Variants in HDAC4 observed in about 807,000 individuals in gnomAD.
HDAC4 encodes histone deacetylase 4.
Under a neutral mutation model 135.1 loss-of-function variants are expected in HDAC4, and 16 were observed. That is an observed-to-expected ratio of 0.12 (90% confidence interval 0.08 to 0.18). The LOEUF is 0.18. Among genes scored for constraint, HDAC4 ranks in the 10% least tolerant of loss-of-function variants. The probability of loss-of-function intolerance (pLI) is 1.00; values close to 1 mark genes in which losing one functional copy is unlikely to be tolerated. For missense variants in HDAC4, 1,143 were observed against 1,511.8 expected, an observed-to-expected ratio of 0.76 and a Z score of 4.05; for synonymous variants, 685 against 653.4, an observed-to-expected ratio of 1.05 and a Z score of -0.74.
intron 2 of HDAC4, among the ~76,000 whole-genome samples, chr2:239,248,169 C>T (rs2048574441): frequency 6.6e-6 from 1 of 151,634 alleles, no homozygotes; most frequent in African/African-American, 2.4e-5. Context: ...GGTTGAAAGA[C>T]TTACTCCTCT....
rs551402547 is a variant in HDAC4, at chr2:239,084,818, TAGAG to T, written c.2445-580_2445-577del. Reference sequence around the variant, plus strand: ...CCACACACACCCCACACCCCACAGATAGAGACACACACACCATGCAAACGCCCTA... The same window carrying T: ...CCACACACACCCCACACCCCACAGATACACACACACCATGCAAACGCCCTA... On this transcript the variant is annotated intron_variant, in intron 19 of 26. Transcript: ENST00000543185. Among the ~76,000 whole-genome samples the T allele has an allele frequency of 2.7e-3, 367 of 136,334 alleles. 3 individuals are homozygous for T. Among genetic ancestry groups the T allele is most frequent in the African/African-American group, 9.8e-3 (345 of 35,064 alleles). The allele number at this position is 136,334 out of a possible 152,430, so 89.4% of individuals were successfully genotyped here. A position where few individuals can be genotyped will look rare whatever the true frequency, so the allele number is the denominator to read the frequency against.
chr2:239,216,402 G>A (rs534591437), intron 3 of HDAC4, among the ~76,000 whole-genome samples: 2 of 152,090 alleles, frequency 1.3e-5, no homozygotes, highest in African/African-American at 2.4e-5. Flanking sequence ...GACAACTGGC[G>A]ATGAGGAGGA....
chr2:239,066,594 G>GA, intron 24 of HDAC4, 128 bp downstream of exon 24: 1 of 1,245,564 alleles, frequency 8.0e-7, no homozygotes, highest in South Asian at 1.2e-5. Context: ...GTGCAAGGCG[G>GA]AGCTGCAAGC....
intron 2 of HDAC4, among the ~76,000 whole-genome samples, chr2:239,257,984 C>T (rs1385344136): frequency 1.3e-5 from 2 of 152,090 alleles, no homozygotes; most frequent in African/African-American, 4.8e-5. Flanking sequence ...GTAGGAATAT[C>T]AATAGTGTTC....
Position 239,285,564 on chromosome 2 carries a change from T to C in HDAC4, c.23-48900A>G, listed in dbSNP as rs1464292190. ...TGGGTAAAAGGGGCTGAGAGAAAGCTGGCCAAAGGTTGGGCTTTTGAAGTA... is the reference window on the plus strand; with the variant it reads ...TGGGTAAAAGGGGCTGAGAGAAAGCCGGCCAAAGGTTGGGCTTTTGAAGTA... On this transcript the variant is annotated intron_variant, in intron 2 of 26. Transcript: ENST00000543185. This position sits in a 1 kb window ranked among gnomAD's most constrained non-coding sequence, Gnocchi z 4.5. Among the ~76,000 whole-genome samples the C allele has an allele frequency of 1.3e-5, 2 of 152,188 alleles. No homozygotes were observed. The highest frequency in any genetic ancestry group is 4.8e-5 in the African/African-American group (2 of 41,440).
At chr2:239,231,873 G>A (rs899294048) in intron 3 of HDAC4, among the ~76,000 whole-genome samples, 1 of 134,230 alleles carries the variant, frequency 7.4e-6, no homozygotes, top group Non-Finnish European at 1.6e-5. Context: ...GTCCTCAACC[G>A]AGGTTGCTGA....
intron 11 of HDAC4, 92 bp downstream of exon 11, chr2:239,134,153 C>T (rs2040787322): frequency 9.9e-7 from 1 of 1,007,096 alleles, no homozygotes; most frequent in Non-Finnish European, 1.5e-6. Context: ...GGCGTGCATT[C>T]CTGTCTCCTC....
At chr2:239,170,933 C>T (rs973256038) in intron 5 of HDAC4, among the ~76,000 whole-genome samples, 4 of 152,136 alleles carry the variant, frequency 2.6e-5, no homozygotes, top group African/African-American at 7.2e-5. Context: ...TTATGAGTAA[C>T]GATGGCCAGA....
chr2:239,199,296 T>C (rs2153069048), intron 3 of HDAC4, among the ~76,000 whole-genome samples: 1 of 152,036 alleles, frequency 6.6e-6, no homozygotes, highest in South Asian at 2.1e-4. Context: ...ACCCCTGCTC[T>C]CTGGGTGGCT....
At chr2:239,056,597 C>A (rs2031885149) in intron 24 of HDAC4, among the ~76,000 whole-genome samples, 1 of 152,216 alleles carries the variant, frequency 6.6e-6, no homozygotes, top group African/African-American at 2.4e-5. Flanking sequence ...GAAATACACA[C>A]ACAGGGGAGC....
chr2:239,063,228 T>G (rs2033023876), intron 24 of HDAC4, among the ~76,000 whole-genome samples: 1 of 150,758 alleles, frequency 6.6e-6, no homozygotes, highest in African/African-American at 2.4e-5. Flanking sequence ...TTAGGCGGAG[T>G]CTCGCTCTCT....
intron 9 of HDAC4, among the ~76,000 whole-genome samples, chr2:239,135,747 G>A (rs763009759): frequency 5.3e-5 from 8 of 152,210 alleles, no homozygotes; most frequent in Non-Finnish European, 8.8e-5. Context: ...AGAGCTATGC[G>A]GCTTCCCCGA....
chr2:239,348,372 G>T (rs367672277), intron 2 of HDAC4, among the ~76,000 whole-genome samples: 5 of 152,194 alleles, frequency 3.3e-5, no homozygotes, highest in African/African-American at 1.2e-4. Flanking sequence ...CGAACATTCC[G>T]GAAGGGAAAG....
intron 2 of HDAC4, among the ~76,000 whole-genome samples, chr2:239,264,397 G>T (rs188755527): frequency 6.6e-6 from 1 of 152,222 alleles, no homozygotes; most frequent in East Asian, 1.9e-4. Context: ...GATTTTGTTT[G>T]GTTGGTTTCT....
intron 22 of HDAC4, 112 bp downstream of exon 22, chr2:239,080,983 G>C (rs1001342900): frequency 1.2e-6 from 1 of 800,216 alleles, no homozygotes; most frequent in Admixed American, 2.1e-5. Flanking sequence ...CCACAGCCCC[G>C]TTCAGCCACA....
At chr2:239,342,242 G>C (rs1416994650) in intron 2 of HDAC4, among the ~76,000 whole-genome samples, 1 of 151,778 alleles carries the variant, frequency 6.6e-6, no homozygotes, top group Admixed American at 6.6e-5. Flanking sequence ...AAAAAAACTG[G>C]CTCCAATCAC....
rs1237667300 is a variant in HDAC4 at position 239,240,203 on chromosome 2, A to G, written c.23-3539T>C. 6.6e-6 allele frequency among the ~76,000 whole-genome samples: 1 copy of G among 152,246 alleles called. No homozygotes were observed. The highest frequency in any genetic ancestry group is 1.5e-5 in the Non-Finnish European group (1 of 68,036). Reference sequence around the variant, plus strand: ...GCACTTTGCAGGCGCAGGGGCCACCAGGCCTGGGAAAGACAGCTTTGGAAC... The same window carrying G: ...GCACTTTGCAGGCGCAGGGGCCACCGGGCCTGGGAAAGACAGCTTTGGAAC... On this transcript the variant is annotated intron_variant, in intron 2 of 26. Transcript: ENST00000543185. The surrounding 1 kb of genome is among the most constrained non-coding windows in gnomAD (Gnocchi z 4.5).
chr2:239,375,309 C>T (rs959033842), intron 1 of HDAC4, among the ~76,000 whole-genome samples: 3 of 150,224 alleles, frequency 2.0e-5, no homozygotes, highest in African/African-American at 4.9e-5. Flanking sequence ...CTGCGGACTC[C>T]GCCCACCCAC....
intron 16 of HDAC4, among the ~76,000 whole-genome samples, chr2:239,101,323 T>C (rs943295343): frequency 2.6e-5 from 4 of 152,292 alleles, no homozygotes; most frequent in East Asian, 1.9e-4. Context: ...CGTCTGTACC[T>C]ACAGGGCATC....
Sources: allele counts gnomAD v4.1 joint callset (sites outside exome capture counted in the v4.1 genomes callset), GRCh38; gene constraint gnomAD v4.1.1; non-coding constraint Gnocchi (gnomAD v3.1); transcripts MANE v1.5; gene names NCBI Gene and HGNC (gene_info 2026-07-23, HGNC 2026-07-21).